NSD2: variants seen among roughly 807,000 people sequenced by gnomAD.
NSD2 encodes the protein histone-lysine N-methyltransferase NSD2.
Under a neutral mutation model 139.0 loss-of-function variants are expected in NSD2, and 12 were observed. The ratio of observed to expected loss-of-function variants is 0.09; its 90% CI spans 0.06 to 0.14. The LOEUF (loss-of-function observed/expected upper bound fraction) is 0.14, where lower values mean the gene tolerates loss of function less well. Ranked by LOEUF, NSD2 falls within the 10% of genes least tolerant of loss-of-function variation. The pLI is 1.00. For missense variants in NSD2, 1,155 were observed against 1,745.0 expected, an observed-to-expected ratio of 0.66 and a Z score of 6.02; for synonymous variants, 669 against 648.7, an observed-to-expected ratio of 1.03 and a Z score of -0.48.
chr4:1,940,177 G>A (rs1722942471), intron 9 of NSD2: 2 of 1,091,562 alleles, frequency 1.8e-6, no homozygotes, highest in Admixed American at 4.6e-5. Flanking sequence ...GGGTGGGGTG[G>A]AAGGCGACTC....
chr4:1,940,042 A>G lies in NSD2; in HGVS notation c.1881+264A>G, dbSNP rs1223513215. The G allele has an allele frequency of 3.8e-6, 5 of 1,321,114 alleles. No homozygotes were observed. The Admixed American group carries it at 9.6e-5, about 25-fold the overall frequency. 81.8% of individuals were successfully genotyped at this position (1,321,114 alleles called of 1,614,324 possible). On this transcript the variant is annotated intron_variant, in intron 9 of 21. Transcript: ENST00000508803. ...TATACTTCAGTCTTGATGCAGTTTC[A>G]TAGTTCTTAAAATCTGTCTGAAGAA...
At chr4:1,946,614 A>T in intron 9 of NSD2, 1 of 1,029,930 alleles carries the variant, frequency 9.7e-7, no homozygotes, top group Non-Finnish European at 1.2e-6. Context: ...ATATTTTAGG[A>T]CTTTTTGTCA....
intron 18 of NSD2, among the ~76,000 whole-genome samples, chr4:1,970,970 G>A (rs995510694): frequency 2.0e-5 from 3 of 152,364 alleles, no homozygotes; most frequent in South Asian, 2.1e-4. Context: ...AGGAAAATGG[G>A]CTCGCTTACT....
Position 1,972,509 on chromosome 4 carries a change from T to TC in NSD2, c.3373-2350dup, listed in dbSNP as rs1726601652. Among the ~76,000 whole-genome samples the TC allele has an allele frequency of 1.3e-5, 2 of 152,172 alleles. No individual in the cohort carries two copies. The highest frequency in any genetic ancestry group is 2.9e-5 in the Non-Finnish European group (2 of 68,028). ...GGGCGTGTCCTGGGGGTGACAGTGTTCCCCATGGCATTCCTGTGACTCCAG... is the reference window on the plus strand; with the variant it reads ...GGGCGTGTCCTGGGGGTGACAGTGTTCCCCCATGGCATTCCTGTGACTCCAG... On this transcript the variant is annotated intron_variant, in intron 18 of 21. Coordinates refer to ENST00000508803, the MANE Select transcript of NSD2 (RefSeq NM_001042424.3). The surrounding 1 kb of genome is among the most constrained non-coding windows in gnomAD (Gnocchi z 4.0).
At position 1,916,987 on chromosome 4, in the gene NSD2, T is replaced by A; in HGVS notation, c.877T>A (p.Leu293Ile). 1 of 1,614,008 alleles carries A rather than the reference T, an allele frequency of 6.2e-7. No homozygotes were observed. Among genetic ancestry groups the A allele is most frequent in the South Asian group, 1.1e-5 (1 of 91,050 alleles). ...AFEGEGQFEK[L>I]CQESAKQAPT... ...TGAAGGAGAAGGACAGTTTGAAAAA[T>A]TATGCCAGGAAAGTGCCAAGCAGGC... Residue 293 changes from leucine to isoleucine, a missense_variant, in exon 4 of 22, where the codon TTA becomes ATA. Leu to Ile is a conservative substitution (Grantham distance 5). Coordinates refer to ENST00000508803, the MANE Select transcript of NSD2 (RefSeq NM_001042424.3).
At chr4:1,957,157 A>C (rs1724902774) in intron 15 of NSD2, among the ~76,000 whole-genome samples, 1 of 152,132 alleles carries the variant, frequency 6.6e-6, no homozygotes, top group Non-Finnish European at 1.5e-5. Flanking sequence ...TAGGGTTGAC[A>C]TGGGGCTGGC....
Position 1,932,203 on chromosome 4 carries a change from A to G in NSD2, c.1555+1433A>G, listed in dbSNP as rs574762155. Among the ~76,000 whole-genome samples, 287 of 151,268 alleles carry G rather than the reference A, an allele frequency of 1.9e-3. 2 individuals are homozygous for G. The highest frequency in any genetic ancestry group is 5.8e-3 in the African/African-American group (240 of 41,242). ...TGTAATCCCAGCACTTTGGGAGGCC[A>G]AGGTGGGTGGATCACTTGAGGCCAG... On this transcript the variant is annotated intron_variant, in intron 6 of 21. Coordinates refer to ENST00000508803, the MANE Select transcript of NSD2 (RefSeq NM_001042424.3).
intron 9 of NSD2, chr4:1,947,975 T>C (rs1165255232): frequency 9.5e-6 from 10 of 1,056,640 alleles, no homozygotes; most frequent in Admixed American, 5.4e-5. Flanking sequence ...CTTTTAGCAG[T>C]TGGCTGGAAT....
At chr4:1,963,780 G>T (rs1449098384) in intron 18 of NSD2, among the ~76,000 whole-genome samples, 25 of 152,214 alleles carry the variant, frequency 1.6e-4, no homozygotes, top group Admixed American at 1.6e-3. Flanking sequence ...TTGGAAGGCC[G>T]AGTTGGGAGG....
chr4:1,917,600 C>T (rs1434397507), intron 4 of NSD2, among the ~76,000 whole-genome samples: 1 of 151,964 alleles, frequency 6.6e-6, no homozygotes, highest in Non-Finnish European at 1.5e-5. Flanking sequence ...CCACGCCTGG[C>T]TAATTTTTGT....
In NSD2 at chr4:1,958,046, G is replaced by A. The variant is rs2108966240; in HGVS notation, c.2985+10G>A. ...ATACAAGCACATCAAGGTGGCGTGT[G>A]GGAGCTGCGTGCACGCGTGTGGAGG... On this transcript the variant is annotated intron_variant, in intron 16 of 21. Coordinates refer to ENST00000508803, the MANE Select transcript of NSD2 (RefSeq NM_001042424.3). The surrounding 1 kb of genome is among the most constrained non-coding windows in gnomAD (Gnocchi z 4.6). 6.2e-7 allele frequency: 1 copy of A among 1,612,824 alleles called. No individual in the cohort carries two copies. The highest frequency in any genetic ancestry group is 2.2e-5 in the East Asian group (1 of 44,852).
chr4:1,955,066 T>C lies in NSD2; in HGVS notation c.2339-95T>C, dbSNP rs1321281635. ...TCCATTTCATTTTAGCATTAACTTT[T>C]CAAATTCATGGAGGCTGAGTAATTA... On this transcript the variant is annotated intron_variant, in intron 12 of 21. Coordinates refer to ENST00000508803, the MANE Select transcript of NSD2 (RefSeq NM_001042424.3). The surrounding 1 kb of genome is among the most constrained non-coding windows in gnomAD (Gnocchi z 4.7). The C allele has an allele frequency of 2.3e-6, 3 of 1,325,514 alleles. No individual in the cohort carries two copies. The highest frequency in any genetic ancestry group is 3.1e-6 in the Non-Finnish European group (3 of 975,610). The allele number at this position is 1,325,514 out of a possible 1,614,324, so 82.1% of individuals were successfully genotyped here.
chr4:1,901,694 T>C (rs1262473767), intron 2 of NSD2, among the ~76,000 whole-genome samples: 4 of 152,070 alleles, frequency 2.6e-5, no homozygotes, highest in African/African-American at 9.7e-5. Flanking sequence ...ATCTGATGAG[T>C]GGGAAGCAGA....
Position 1,956,284 on chromosome 4 carries a change from C to T in NSD2, c.2881+96C>T. On this transcript the variant is annotated intron_variant, in intron 15 of 21. Coordinates refer to ENST00000508803, the MANE Select transcript of NSD2 (RefSeq NM_001042424.3). This position sits in a 1 kb window ranked among gnomAD's most constrained non-coding sequence, Gnocchi z 5.3. ...TAAAATTTGATCTTTATAGAAAATACTGGACTAAGCATTCAATCTGTTTTT... is the reference window on the plus strand; with the variant it reads ...TAAAATTTGATCTTTATAGAAAATATTGGACTAAGCATTCAATCTGTTTTT... The T allele has an allele frequency of 9.3e-7, 1 of 1,075,176 alleles. No homozygotes were observed. Among genetic ancestry groups the T allele is most frequent in the African/African-American group, 1.6e-5 (1 of 62,830 alleles). The allele number at this position is 1,075,176 out of a possible 1,614,324, so 66.6% of individuals were successfully genotyped here. A position where few individuals can be genotyped will look rare whatever the true frequency, so the allele number is the denominator to read the frequency against.
chr4:1,904,903 G>T (rs972110222), intron 3 of NSD2, among the ~76,000 whole-genome samples: 2 of 152,192 alleles, frequency 1.3e-5, no homozygotes, highest in African/African-American at 4.8e-5. Context: ...GGCCGAGGTG[G>T]GTGGATCACT....
intron 18 of NSD2, among the ~76,000 whole-genome samples, chr4:1,970,629 G>A (rs1369101364): frequency 6.6e-6 from 1 of 152,174 alleles, no homozygotes; most frequent in East Asian, 1.9e-4. Flanking sequence ...AGCCAGAGCC[G>A]CTGAGTCAGG....
At chr4:1,904,546 A>T (rs1281317358) in intron 3 of NSD2, among the ~76,000 whole-genome samples, 168 bp downstream of exon 3, 1 of 152,194 alleles carries the variant, frequency 6.6e-6, no homozygotes, top group Non-Finnish European at 1.5e-5. Context: ...ATTTCTTTTT[A>T]TATTCAACTC....
intron 9 of NSD2, chr4:1,940,404 GCTGC>G: frequency 9.4e-7 from 1 of 1,063,104 alleles, no homozygotes; most frequent in Non-Finnish European, 1.1e-6. Flanking sequence ...ATTTGGGGCT[GCTGC>G]CTGCCATCAT....
chr4:1,935,064 C>A, intron 6 of NSD2, 80 bp from the exon 7 acceptor site: 1 of 1,082,636 alleles, frequency 9.2e-7, no homozygotes, highest in Non-Finnish European at 1.4e-6. Context: ...TGTTGAATGC[C>A]CTGGGTAGGT....
Sources: allele counts gnomAD v4.1 joint callset (sites outside exome capture counted in the v4.1 genomes callset), GRCh38; gene constraint gnomAD v4.1.1; non-coding constraint Gnocchi (gnomAD v3.1); transcripts MANE v1.5; gene names NCBI Gene and HGNC (gene_info 2026-07-23, HGNC 2026-07-21).